The following RUNX1 variants were observed in gnomAD, a reference collection of about 807,000 sequenced individuals.
The protein encoded by RUNX1 is RUNX family transcription factor 1.
Under a neutral mutation model 42.8 loss-of-function variants are expected in RUNX1, and 19 were observed. The ratio of observed to expected loss-of-function variants is 0.44; its 90% CI spans 0.31 to 0.65. The LOEUF is 0.65. Among genes scored for constraint, RUNX1 ranks in the 30% least tolerant of loss-of-function variants. RUNX1 has a pLI of 0.07. For missense variants in RUNX1, 528 were observed against 672.0 expected (o/e 0.79, Z 2.37); for synonymous variants, 271 against 289.4 (o/e 0.94, Z 0.64).
intron 2 of RUNX1, 140 bp downstream of exon 2, chr21:35,048,702 C>T: frequency 1.3e-6 from 1 of 775,498 alleles, no homozygotes; most frequent in South Asian, 1.4e-5. Flanking sequence ...AATCATATGC[C>T]TCAGTTTGAA....
intron 5 of RUNX1, 50 bp downstream of exon 5, chr21:34,880,507 G>A (rs1202899692): frequency 6.3e-7 from 1 of 1,589,846 alleles, no homozygotes; most frequent in Non-Finnish European, 8.6e-7. Context: ...TGAAATGTGG[G>A]TTTGTTGCCA....
intron 2 of RUNX1, among the ~76,000 whole-genome samples, chr21:34,909,797 T>C (rs762532131): frequency 6.6e-6 from 1 of 152,166 alleles, no homozygotes; most frequent in African/African-American, 2.4e-5. Context: ...ACTTAATCTT[T>C]AGGGTTCTGG....
At chr21:34,820,620 G>C (rs572997833) in intron 7 of RUNX1, among the ~76,000 whole-genome samples, 1 of 151,798 alleles carries the variant, frequency 6.6e-6, no homozygotes, top group African/African-American at 2.4e-5. Context: ...AGTGAGCCTG[G>C]GTGACAAGAG....
At chr21:34,990,748 C>T (rs557333271) in intron 2 of RUNX1, among the ~76,000 whole-genome samples, 7 of 152,078 alleles carry the variant, frequency 4.6e-5, no homozygotes, top group Admixed American at 2.0e-4. Context: ...CCCACCACCA[C>T]GCCTGGCTAA....
At chr21:34,908,873 T>C (rs2058247796) in intron 2 of RUNX1, among the ~76,000 whole-genome samples, 1 of 152,272 alleles carries the variant, frequency 6.6e-6, no homozygotes, top group African/African-American at 2.4e-5. Flanking sequence ...TATCTTATAA[T>C]TCTAAAGAAA....
chr21:34,986,091 C>T (rs960769453), intron 2 of RUNX1, among the ~76,000 whole-genome samples: 5 of 151,910 alleles, frequency 3.3e-5, no homozygotes, highest in Admixed American at 6.6e-5. Context: ...AGGCTGATCT[C>T]GAACTCCTGG....
At chr21:34,973,727 T>G (rs1036806155) in intron 2 of RUNX1, among the ~76,000 whole-genome samples, 9 of 152,330 alleles carry the variant, frequency 5.9e-5, no homozygotes, top group African/African-American at 2.2e-4. Context: ...TTCCCAAATG[T>G]CATCACCACC....
chr21:34,815,445 G>A lies in RUNX1; in HGVS notation c.806-15983C>T, dbSNP rs1402616641. Among the ~76,000 whole-genome samples the A allele has an allele frequency of 5.3e-5, 8 of 152,350 alleles. No individual in the cohort carries two copies. In the East Asian group the frequency reaches 9.7e-4, roughly 18 times the overall value. Reference sequence around the variant, plus strand: ...GCCAGCAGGATGGCAGCACTGAAACGCTCCAGGGCTGGGGTTGGGGGTCCT... The same window carrying A: ...GCCAGCAGGATGGCAGCACTGAAACACTCCAGGGCTGGGGTTGGGGGTCCT... On this transcript the variant is annotated intron_variant, in intron 7 of 8. Transcript: ENST00000675419.
chr21:35,011,288 T>C (rs1033713904), intron 2 of RUNX1, among the ~76,000 whole-genome samples: 3 of 152,152 alleles, frequency 2.0e-5, no homozygotes, highest in Admixed American at 2.0e-4. Flanking sequence ...CTTTTCCTGA[T>C]CCCAAGCCCA....
intron 2 of RUNX1, among the ~76,000 whole-genome samples, chr21:35,023,634 C>T (rs1445986729): frequency 1.3e-5 from 2 of 152,146 alleles, no homozygotes; most frequent in East Asian, 1.9e-4. Flanking sequence ...CTCATTGAGG[C>T]CAATGGTTTG....
chr21:34,942,886 T>G (rs1190842975), intron 2 of RUNX1, among the ~76,000 whole-genome samples: 1 of 152,144 alleles, frequency 6.6e-6, no homozygotes, highest in African/African-American at 2.4e-5. Flanking sequence ...TTGGGTCAGG[T>G]TGAAGGAAAG....
chr21:34,970,141 T>A (rs2058752557), intron 2 of RUNX1, among the ~76,000 whole-genome samples: 1 of 152,230 alleles, frequency 6.6e-6, no homozygotes, highest in East Asian at 1.9e-4. Context: ...TGCCTTCAGA[T>A]AAGACTTTGT....
At chr21:34,846,815 G>T (rs943874559) in intron 6 of RUNX1, among the ~76,000 whole-genome samples, 1 of 152,198 alleles carries the variant, frequency 6.6e-6, no homozygotes, top group Admixed American at 6.5e-5. Context: ...TGAATCACCC[G>T]AAGAATAGAA....
At chr21:35,019,348 C>CTGCA (rs1245619862) in intron 2 of RUNX1, among the ~76,000 whole-genome samples, 2 of 152,180 alleles carry the variant, frequency 1.3e-5, no homozygotes, top group African/African-American at 4.8e-5. Context: ...TATGGTATTA[C>CTGCA]TGCATGCCCT....
intron 7 of RUNX1, among the ~76,000 whole-genome samples, chr21:34,831,057 G>T (rs2057056042): frequency 6.6e-6 from 1 of 152,156 alleles, no homozygotes; most frequent in South Asian, 2.1e-4. Context: ...TGGGAGTTGT[G>T]ACTGAACAGG....
chr21:35,010,621 A>ACACG (rs1046699049), intron 2 of RUNX1, among the ~76,000 whole-genome samples: 1 of 147,404 alleles, frequency 6.8e-6, no homozygotes, highest in Non-Finnish European at 1.5e-5. Context: ...GAGTACACAC[A>ACACG]CACGCACACA....
intron 7 of RUNX1, among the ~76,000 whole-genome samples, chr21:34,812,271 C>T (rs1404465353): frequency 6.6e-6 from 1 of 152,214 alleles, no homozygotes; most frequent in Non-Finnish European, 1.5e-5. Context: ...GAGAGCTACA[C>T]AAGGGGAATT....
intron 2 of RUNX1, among the ~76,000 whole-genome samples, chr21:35,031,086 C>T (rs796795454): frequency 4.6e-5 from 7 of 152,212 alleles, no homozygotes; most frequent in East Asian, 3.8e-4. Flanking sequence ...CGGTGGCTCA[C>T]GCCTGTAATC....
chr21:34,838,275 G>C (rs946160550), intron 6 of RUNX1, among the ~76,000 whole-genome samples: 2 of 152,120 alleles, frequency 1.3e-5, no homozygotes, highest in Admixed American at 1.3e-4. Context: ...ACCAGATAAG[G>C]TTAAATTGCC....
Sources: allele counts gnomAD v4.1 joint callset (sites outside exome capture counted in the v4.1 genomes callset), GRCh38; gene constraint gnomAD v4.1.1; transcripts MANE v1.5; gene names NCBI Gene and HGNC (gene_info 2026-07-23, HGNC 2026-07-21).